Variants in MPZ observed in about 807,000 individuals in gnomAD.
MPZ encodes myelin protein zero.
A neutral mutation model predicts 27.9 loss-of-function variants in MPZ; 13 were observed. The observed-to-expected ratio is 0.47, with a 90% CI of 0.30 to 0.74. MPZ has a LOEUF of 0.74. Among genes scored for constraint, MPZ ranks in the 30% least tolerant of loss-of-function variants. The pLI is 0.06. For missense variants in MPZ, 256 were observed against 317.5 expected (o/e 0.81, Z 1.47); for synonymous variants, 118 against 128.9 (o/e 0.92, Z 0.57).
In MPZ at chr1:161,309,819, A is replaced by G. The variant is rs1475102537; in HGVS notation, c.67+20T>C. ...GACACCTGAGTCCCAAGACTCCCAG[A>G]GTAGAGTGGCTCCACTTACCCAAAG... On this transcript the variant is annotated intron_variant, in intron 1 of 5. Transcript: ENST00000533357. 1.3e-6 allele frequency: 2 copies of G among 1,564,072 alleles called. No homozygotes were observed. Among genetic ancestry groups the G allele is most frequent in the East Asian group, 2.3e-5 (1 of 43,410 alleles).
At chr1:161,306,248 C>T (rs1394258190) in intron 4 of MPZ, 80 bp from the exon 5 acceptor site, 4 of 1,611,914 alleles carry the variant, frequency 2.5e-6, no homozygotes, top group Admixed American at 3.3e-5. Flanking sequence ...TTCCCCTTGG[C>T]CCTCCCACCC....
chr1:161,304,652 A>G (rs1670183451), downstream of MPZ: 2 of 152,776 alleles, frequency 1.3e-5, no homozygotes, highest in African/African-American at 4.8e-5. Flanking sequence ...AAACAACTGA[A>G]GCCAAGTATG....
At chr1:161,308,323 C>A (rs1170541424) in intron 1 of MPZ, among the ~76,000 whole-genome samples, 4 of 152,186 alleles carry the variant, frequency 2.6e-5, no homozygotes, top group Non-Finnish European at 4.4e-5. Flanking sequence ...GCTCAGATGA[C>A]CCTACATGTG....
At position 161,306,785 on chromosome 1, in the gene MPZ, G is replaced by A. The variant is rs121913595; in HGVS notation, c.371C>T (p.Thr124Met). The change falls in exon 3 of 6, where the codon ACG (threonine) becomes ATG (methionine). Residue 124 changes from threonine (T) to methionine (M), a missense_variant. By Grantham distance (81) the Thr-to-Met change is moderately conservative. Transcript: ENST00000533357. ...AGGGTTTTTGACGTCACAAGTGAAC[G>A]TGCCATTGTCACTGTAGTCTAGGTT... ...IHNLDYSDNG[T>M]FTCDVKNPPD... 1 of 1,614,016 alleles carries A rather than the reference G, an allele frequency of 6.2e-7. No individual in the cohort carries two copies.
Position 161,306,339 on chromosome 1 carries a change from T to C in MPZ, c.574A>G (p.Arg192Gly), listed in dbSNP as rs904905280. Residue 192 changes from arginine (R) to glycine (G), a missense_variant, in exon 4 of 6, where the codon AGG (arginine) becomes GGG (glycine). Arg to Gly is a moderately radical substitution (Grantham distance 125). Around this residue, in one of 2 missense-constraint regions of MPZ, gnomAD observed 101 missense variants for 93.6 expected, o/e 1.08. Transcript: ENST00000533357. Reference protein sequence around the residue: ...CWLRRQAALQRRLSAMEKGKL... With the variant: ...CWLRRQAALQGRLSAMEKGKL... ...GGCTCCGCCCCTTACCTGAGCCTCC[T>C]CTGCAGGGCCGCCTGCCTGCGTAGC... 1 of 1,614,046 alleles carries C rather than the reference T, an allele frequency of 6.2e-7. No homozygotes were observed. Among genetic ancestry groups the C allele is most frequent in the Admixed American group, 1.7e-5 (1 of 60,002 alleles).
chr1:161,306,641 C>T, intron 3 of MPZ, 67 bp downstream of exon 3: 1 of 1,577,060 alleles, frequency 6.3e-7, no homozygotes. Flanking sequence ...CTTCCCCCAA[C>T]CTATCAGTCC....
In MPZ at chr1:161,306,117, G is replaced by A. The variant is rs781369751; in HGVS notation, c.636C>T (p.Arg212=). The part of the protein sequence containing the change: ...LHKPGKDASK[R]GRQTPVLYAM... ...CCCAAGTCCCGCTAACCTGCCGCCC[G>A]CGCTTCGACGCGTCCTTTCCTGGCT... is the stretch of plus-strand genomic sequence containing the variant. Residue 212 remains arginine, a synonymous_variant, in exon 5 of 6, where the codon CGC becomes CGT. Coordinates refer to ENST00000533357, the MANE Select transcript of MPZ (RefSeq NM_000530.8). 1 of 1,614,206 alleles carries A rather than the reference G, an allele frequency of 6.2e-7. No individual in the cohort carries two copies. Among genetic ancestry groups the A allele is most frequent in the Admixed American group, 1.7e-5 (1 of 60,020 alleles).
At chr1:161,306,084 G>T in intron 5 of MPZ, 24 bp downstream of exon 5, 2 of 1,613,908 alleles carry the variant, frequency 1.2e-6, no homozygotes, top group Non-Finnish European at 1.7e-6. Flanking sequence ...TTCCCATCTT[G>T]TCTAGGCCCC....
intron 1 of MPZ, among the ~76,000 whole-genome samples, chr1:161,307,963 C>T (rs1039294200): frequency 1.3e-5 from 2 of 152,064 alleles, no homozygotes; most frequent in African/African-American, 2.4e-5. Flanking sequence ...TCAAGATATA[C>T]ACATACTTAC....
intron 1 of MPZ, among the ~76,000 whole-genome samples, chr1:161,309,020 C>A (rs555089739): frequency 6.6e-6 from 1 of 152,252 alleles, no homozygotes; most frequent in East Asian, 1.9e-4. Flanking sequence ...GGATTCAGGG[C>A]AGTTCAGAGA....
intron 1 of MPZ, among the ~76,000 whole-genome samples, chr1:161,309,548 A>ATTTTTTT (rs1482171465): frequency 4.1e-5 from 3 of 73,294 alleles, no homozygotes; most frequent in African/African-American, 1.3e-4. Context: ...ATATATATAT[A>ATTTTTTT]TATATTTTTT....
chr1:161,307,852 C>T (rs1274215902), intron 1 of MPZ, among the ~76,000 whole-genome samples: 5 of 152,132 alleles, frequency 3.3e-5, no homozygotes, highest in Admixed American at 6.6e-5. Context: ...CAAAAGTCTC[C>T]TTTGACACTT....
rs1670219557 is a variant in MPZ at position 161,305,745 on chromosome 1, G to C, written c.*131C>G. The C allele has an allele frequency of 3.0e-6, 2 of 668,154 alleles. No individual in the cohort carries two copies. Among genetic ancestry groups the C allele is most frequent in the Non-Finnish European group, 5.1e-6 (2 of 390,002 alleles). 41.4% of individuals were successfully genotyped at this position (668,154 alleles called of 1,614,324 possible). A position where few individuals can be genotyped will look rare whatever the true frequency, so the allele number is the denominator to read the frequency against. ...GGCGTTTTTGAGGCTGGTTCTGCTG[G>C]GGGACTTGACAGCAGGCCGGAGCTC... On this transcript the variant is annotated 3_prime_UTR_variant, in exon 6 of 6. Coordinates refer to ENST00000533357, the MANE Select transcript of MPZ (RefSeq NM_000530.8).
chr1:161,309,558 T>A (rs1228660516), intron 1 of MPZ, among the ~76,000 whole-genome samples: 33 of 112,470 alleles, frequency 2.9e-4, no homozygotes, highest in African/African-American at 9.9e-4. Flanking sequence ...ATATATTTTT[T>A]TTTTTTTTGA....
At position 161,307,467 on chromosome 1, in the gene MPZ, G is replaced by A. The variant is rs751109430; in HGVS notation, c.68-43C>T. 3.1e-6 allele frequency: 5 copies of A among 1,609,846 alleles called. No homozygotes were observed. The African/African-American group carries it at 5.3e-5, about 17-fold the overall frequency. On this transcript the variant is annotated intron_variant, in intron 1 of 5. Coordinates refer to ENST00000533357, the MANE Select transcript of MPZ (RefSeq NM_000530.8). ...GGAATCAGATGCACCTATGGGCCCA[G>A]TAAGGGATACAGAGGAAGTGAGATC...
rs1249454189 is a variant in MPZ, at chr1:161,307,347, G to A, written c.145C>T (p.His49Tyr). The A allele has an allele frequency of 1.2e-6, 2 of 1,614,272 alleles. No individual in the cohort carries two copies. The highest frequency in any genetic ancestry group is 2.7e-5 in the African/African-American group (2 of 75,076). ...CACTCACTGGACCAGAAGGAGCAGT[G>A]CAGGGTCACCCGGGAGCCCACAGCA... ...HGAVGSRVTL[H>Y]CSFWSSEWVS... is the part of the protein sequence containing the mutation. Residue 49 changes from histidine (H) to tyrosine (Y), a missense_variant, in exon 2 of 6, where the codon CAC (histidine) becomes TAC (tyrosine). Physicochemically the swap from His to Tyr is moderately conservative, Grantham distance 83 (BLOSUM62 2). This residue lies in a region of MPZ where 155 missense variants were observed against 223.9 expected (regional missense o/e 0.69). Transcript: ENST00000533357.
At position 161,306,373 on chromosome 1, in the gene MPZ, C is replaced by G. The variant is rs1218477138; in HGVS notation, c.540G>C (p.Arg180=). Residue 180 remains arginine, a synonymous_variant, in exon 4 of 6, where the codon CGG becomes CGC. Coordinates refer to ENST00000533357, the MANE Select transcript of MPZ (RefSeq NM_000530.8). ...LLLLLLFYVV[R]YCWLRRQAAL... ...CCGCCTGCCTGCGTAGCCAGCAGTACCGAACCACGTAGAAAAGCAGCAGCA... is the reference window on the plus strand; with the variant it reads ...CCGCCTGCCTGCGTAGCCAGCAGTAGCGAACCACGTAGAAAAGCAGCAGCA... 4 of 1,614,088 alleles carry G rather than the reference C, an allele frequency of 2.5e-6. No individual in the cohort carries two copies. The highest frequency in any genetic ancestry group is 2.5e-6 in the Non-Finnish European group (3 of 1,180,054).
Position 161,305,527 on chromosome 1 carries a change from C to T in MPZ, c.*349G>A. The T allele has an allele frequency of 3.3e-6, 1 of 306,934 alleles. No individual in the cohort carries two copies. The highest frequency in any genetic ancestry group is 6.2e-6 in the Non-Finnish European group (1 of 162,420). The allele number at this position is 306,934 out of a possible 1,614,324, so 19.0% of individuals were successfully genotyped here. A position where few individuals can be genotyped will look rare whatever the true frequency, so the allele number is the denominator to read the frequency against. ...CCAGGGGTGAAGGTGGGGGAGAATACAATTGCCTGGGGAATGAATTCTGGA... is the reference window on the plus strand; with the variant it reads ...CCAGGGGTGAAGGTGGGGGAGAATATAATTGCCTGGGGAATGAATTCTGGA... On this transcript the variant is annotated 3_prime_UTR_variant, in exon 6 of 6. Coordinates refer to ENST00000533357, the MANE Select transcript of MPZ (RefSeq NM_000530.8).
chr1:161,305,849 C>T lies in MPZ; in HGVS notation c.*27G>A, dbSNP rs1378034079. On this transcript the variant is annotated 3_prime_UTR_variant, in exon 6 of 6. Transcript: ENST00000533357. ...CTTTGGCGGACTCCACCCCTAACCC[C>T]CGATCCCCCGCCCGGCCCGCTAACC... The T allele has an allele frequency of 1.3e-6, 2 of 1,562,934 alleles. No homozygotes were observed. Among genetic ancestry groups the T allele is most frequent in the Non-Finnish European group, 1.8e-6 (2 of 1,137,796 alleles).
Sources: gnomAD v4.1 joint callset for allele counts (sites outside exome capture counted in the v4.1 genomes callset) on GRCh38, gnomAD v4.1.1 for gene constraint, gnomAD v4.1.1 regional missense constraint, MANE v1.5 for transcripts, NCBI Gene and HGNC (gene_info 2026-07-23, HGNC 2026-07-21) for gene names.